The following ZFHX3 variants were observed in gnomAD, a reference collection of about 807,000 sequenced individuals.
ZFHX3 encodes the protein zinc finger homeobox protein 3.
A neutral mutation model predicts 279.1 loss-of-function variants in ZFHX3; 42 were observed. That is an observed-to-expected ratio of 0.15 (90% CI 0.12 to 0.19). The LOEUF (loss-of-function observed/expected upper bound fraction) is 0.19, where lower values mean the gene tolerates loss of function less well. ZFHX3 is among the 10% of genes least tolerant of loss of function. ZFHX3 has a pLI of 1.00. For missense variants in ZFHX3, 4,981 were observed against 4,754.0 expected (o/e 1.05, Z -1.40); for synonymous variants, 2,293 against 1,957.8 (o/e 1.17, Z -4.52).
intron 1 of ZFHX3, among the ~76,000 whole-genome samples, chr16:73,819,763 A>G (rs894097506): frequency 1.3e-5 from 2 of 152,172 alleles, no homozygotes; most frequent in Non-Finnish European, 2.9e-5. Flanking sequence ...GCTCATAGGT[A>G]AGAAGAAAGC....
intron 3 of ZFHX3, among the ~76,000 whole-genome samples, chr16:72,910,526 A>T (rs2039291253): frequency 6.6e-6 from 1 of 152,104 alleles, no homozygotes. Context: ...GTAGATTTCA[A>T]AGGGTTTGGC....
At chr16:72,911,569 G>A (rs998784988) in intron 3 of ZFHX3, among the ~76,000 whole-genome samples, 9 of 152,170 alleles carry the variant, frequency 5.9e-5, no homozygotes, top group Admixed American at 1.3e-4. Flanking sequence ...GGGCATTTCA[G>A]ACCCTCCGCG....
chr16:73,866,239 G>A (rs1567434390), intron 1 of ZFHX3, among the ~76,000 whole-genome samples: 1 of 135,388 alleles, frequency 7.4e-6, no homozygotes, highest in Non-Finnish European at 1.5e-5. Context: ...GAGTGCAGTG[G>A]TACGATCTCG....
At chr16:73,890,946 G>A (rs1342094725) in intron 1 of ZFHX3, among the ~76,000 whole-genome samples, 1 of 151,806 alleles carries the variant, frequency 6.6e-6, no homozygotes, top group Non-Finnish European at 1.5e-5. Flanking sequence ...GTGTGGTGCA[G>A]ATCAGAAGAG....
intron 3 of ZFHX3, among the ~76,000 whole-genome samples, chr16:73,451,930 C>T (rs552305222): frequency 6.0e-4 from 92 of 152,238 alleles, no homozygotes; most frequent in African/African-American, 1.2e-3. Flanking sequence ...GCTTAAGTTG[C>T]CATGGACAAA....
chr16:72,863,544 A>G (rs1291235076), intron 4 of ZFHX3, among the ~76,000 whole-genome samples: 3 of 151,794 alleles, frequency 2.0e-5, no homozygotes, highest in African/African-American at 7.3e-5. Flanking sequence ...AGACAGAGAG[A>G]GAGAGAGAGA....
At chr16:73,682,882 G>GAAAGAAAGA (rs1308657762) in intron 1 of ZFHX3, among the ~76,000 whole-genome samples, 10 of 44,682 alleles carry the variant, frequency 2.2e-4, no homozygotes, top group African/African-American at 7.4e-4. Flanking sequence ...AAGAAAGAAA[G>GAAAGAAAGA]AAAGAAAGAA....
At chr16:73,817,240 A>G (rs924679629) in intron 1 of ZFHX3, among the ~76,000 whole-genome samples, 3 of 152,212 alleles carry the variant, frequency 2.0e-5, no homozygotes, top group African/African-American at 7.2e-5. Context: ...CTCAGGTCCA[A>G]AGTAATTCTA....
At chr16:73,861,280 T>C (rs1209890852) in intron 1 of ZFHX3, among the ~76,000 whole-genome samples, 1 of 152,148 alleles carries the variant, frequency 6.6e-6, no homozygotes, top group African/African-American at 2.4e-5. Context: ...TATGCAAATA[T>C]TTCTAAAGAA....
At chr16:73,482,029 C>T (rs1170920029) in intron 2 of ZFHX3, among the ~76,000 whole-genome samples, 4 of 152,132 alleles carry the variant, frequency 2.6e-5, no homozygotes, top group Non-Finnish European at 4.4e-5. Context: ...ATCAGAGGCC[C>T]TTTGACATCT....
At chr16:73,567,180 T>G (rs1311305802) in intron 2 of ZFHX3, among the ~76,000 whole-genome samples, 1 of 152,196 alleles carries the variant, frequency 6.6e-6, no homozygotes, top group Non-Finnish European at 1.5e-5. Flanking sequence ...CACTAGTCAT[T>G]GGACACTAAT....
chr16:73,548,550 T>C (rs915232462), intron 2 of ZFHX3, among the ~76,000 whole-genome samples: 4 of 152,028 alleles, frequency 2.6e-5, no homozygotes, highest in Admixed American at 2.6e-4. Context: ...TTATTAATGC[T>C]CGTATACAAA....
intron 5 of ZFHX3, among the ~76,000 whole-genome samples, chr16:73,213,206 C>T (rs1023705195): frequency 1.1e-4 from 17 of 152,162 alleles, no homozygotes; most frequent in African/African-American, 3.9e-4. Context: ...GCTGATAGCA[C>T]CCAGCCTTTG....
At chr16:73,823,633 T>C (rs956470973) in intron 1 of ZFHX3, among the ~76,000 whole-genome samples, 14 of 151,976 alleles carry the variant, frequency 9.2e-5, no homozygotes, top group Admixed American at 2.6e-4. Flanking sequence ...CATTTACGCA[T>C]TGTCTAGGGC....
chr16:73,125,623 G>A (rs970798721), intron 7 of ZFHX3, among the ~76,000 whole-genome samples: 14 of 152,000 alleles, frequency 9.2e-5, no homozygotes, highest in South Asian at 2.1e-4. Flanking sequence ...GCCTCCCAGC[G>A]TACATCTTTC....
intron 4 of ZFHX3, among the ~76,000 whole-genome samples, chr16:73,277,692 A>G (rs1364919781): frequency 6.6e-6 from 1 of 152,222 alleles, no homozygotes; most frequent in Non-Finnish European, 1.5e-5. Flanking sequence ...CTTATGGTGG[A>G]AAGAGAAATG....
At chr16:73,186,156 T>C (rs1018442446) in intron 5 of ZFHX3, among the ~76,000 whole-genome samples, 11 of 152,112 alleles carry the variant, frequency 7.2e-5, no homozygotes, top group African/African-American at 2.7e-4. Context: ...GATAGTAAGT[T>C]GTATAATTCA....
At chr16:73,735,638 T>C (rs1421394636) in intron 1 of ZFHX3, among the ~76,000 whole-genome samples, 8 of 152,140 alleles carry the variant, frequency 5.3e-5, no homozygotes, top group Admixed American at 3.3e-4. Context: ...AACAATGACA[T>C]CTTGCTATTC....
At chr16:72,818,435 A>C (rs1172576051) in intron 5 of ZFHX3, among the ~76,000 whole-genome samples, 2 of 152,222 alleles carry the variant, frequency 1.3e-5, no homozygotes, top group African/African-American at 4.8e-5. Context: ...GCACTTGATA[A>C]GTGGCCAAAG....
Sources: allele counts gnomAD v4.1 joint callset (sites outside exome capture counted in the v4.1 genomes callset), GRCh38; gene constraint gnomAD v4.1.1; transcripts MANE v1.5; gene names NCBI Gene and HGNC (gene_info 2026-07-23, HGNC 2026-07-21).